AHCTF1: variants seen among roughly 807,000 people sequenced by gnomAD.
AHCTF1 encodes AT-hook containing transcription factor 1.
In AHCTF1, 24 loss-of-function variants were observed where a neutral mutation model predicts 248.4. That is an observed-to-expected ratio of 0.10 (90% confidence interval 0.07 to 0.14). The LOEUF (loss-of-function observed/expected upper bound fraction) is 0.14. Ranked by LOEUF, AHCTF1 falls within the 10% of genes least tolerant of loss-of-function variation. AHCTF1 has a pLI of 1.00. For synonymous variants in AHCTF1, 786 were observed against 929.8 expected, an observed-to-expected ratio of 0.85 and a Z score of 2.81; for missense variants, 2,206 against 2,636.2, an observed-to-expected ratio of 0.84 and a Z score of 3.57.
chr1:246,896,900 T>C (rs1399184027), intron 12 of AHCTF1, among the ~76,000 whole-genome samples: 1 of 152,186 alleles, frequency 6.6e-6, no homozygotes, highest in Non-Finnish European at 1.5e-5. Context: ...TAAGAAGGCA[T>C]GACTCTAAAC....
chr1:246,898,134 T>C (rs1234301976), intron 12 of AHCTF1, 74 bp downstream of exon 12: 14 of 1,582,344 alleles, frequency 8.8e-6, no homozygotes, highest in Admixed American at 1.8e-5. Context: ...AATTATCTAA[T>C]ACATTTTTAC....
At chr1:246,918,228 T>C (rs2103228850) in intron 2 of AHCTF1, 22 bp downstream of exon 2, 2 of 1,590,304 alleles carry the variant, frequency 1.3e-6, no homozygotes, top group Non-Finnish European at 1.7e-6. Context: ...TATTAGTAAA[T>C]GTTCAGTGAC....
intron 2 of AHCTF1, among the ~76,000 whole-genome samples, chr1:246,917,471 CCTTTCTGCCACTT>C (rs1324033489): frequency 6.6e-6 from 1 of 152,170 alleles, no homozygotes; most frequent in Non-Finnish European, 1.5e-5. Context: ...GTTCCAAGAT[CCTTTCTGCCACTT>C]ACCTGTATAA....
chr1:246,882,113 T>C (rs1663486658), intron 21 of AHCTF1, among the ~76,000 whole-genome samples: 1 of 151,480 alleles, frequency 6.6e-6, no homozygotes, highest in African/African-American at 2.4e-5. Flanking sequence ...TTCTCCTGCC[T>C]CAGCCTCCTG....
chr1:246,888,339 T>G (rs1663974221), intron 18 of AHCTF1, 55 bp downstream of exon 18: 2 of 1,612,074 alleles, frequency 1.2e-6, no homozygotes, highest in Non-Finnish European at 1.7e-6. Flanking sequence ...TAAGCATGTC[T>G]CCTCCCTCCC....
intron 1 of AHCTF1, among the ~76,000 whole-genome samples, chr1:246,919,710 A>AC (rs973589019): frequency 1.1e-4 from 17 of 151,636 alleles, no homozygotes; most frequent in Non-Finnish European, 1.5e-5. Context: ...TCTCAAAAAA[A>AC]AAAAAAATCC....
rs1170260442 is a variant in AHCTF1 at position 246,902,675 on chromosome 1, C to A, written c.967G>T (p.Gly323Trp). The A allele has an allele frequency of 6.3e-7, 1 of 1,587,798 alleles. No individual in the cohort carries two copies. The highest frequency in any genetic ancestry group is 2.3e-5 in the East Asian group (1 of 44,304). The change falls in exon 8 of 36, where the codon GGG (glycine) becomes TGG (tryptophan). Residue 323 changes from glycine to tryptophan, a missense_variant and splice_region_variant. Coordinates refer to ENST00000648844, the MANE Select transcript of AHCTF1 (RefSeq NM_001323342.2). ...TATCTTTCTTCACAGTATTCTAACC[C>A]CTGTAACATAAAATACACGCAAATA... ...CLASGQILYE[G>W]LEYCEERYTL...
chr1:246,848,795 A>T (rs368425839), intron 33 of AHCTF1, among the ~76,000 whole-genome samples: 5 of 152,112 alleles, frequency 3.3e-5, no homozygotes, highest in African/African-American at 1.2e-4. Flanking sequence ...TGTTGCAGTG[A>T]GCCGAGATCA....
At position 246,850,402 on chromosome 1, in the gene AHCTF1, T is replaced by A. The variant is rs143835885; in HGVS notation, c.5604A>T (p.Thr1868=). The change falls in exon 33 of 36, where the codon ACA becomes ACT. Residue 1868 remains threonine, a synonymous_variant. Transcript: ENST00000648844. ...TTTTAATTCTTCTAGGAGTCCTTTT[T>A]GTAACAGATGAAACCTTAACTTCTT... ...TKKEVKVSSV[T]KRTPRRIKRS... is the part of the protein sequence containing the mutation. 5.3e-4 allele frequency: 855 copies of A among 1,606,470 alleles called. 2 individuals are homozygous for A. The highest frequency in any genetic ancestry group is 6.7e-4 in the Middle Eastern group (4 of 6,010).
chr1:246,908,282 AAC>A (rs1281824546), intron 4 of AHCTF1, among the ~76,000 whole-genome samples: 50 of 151,356 alleles, frequency 3.3e-4, no homozygotes, highest in Non-Finnish European at 7.4e-5. Flanking sequence ...AAATTAATGA[AAC>A]ACATTAAATA....
intron 33 of AHCTF1, among the ~76,000 whole-genome samples, chr1:246,845,365 TA>T (rs146736366): frequency 1.3e-5 from 2 of 151,294 alleles, no homozygotes; most frequent in East Asian, 1.9e-4. Flanking sequence ...ATATGATTCT[TA>T]AAAAAAAGAA....
At chr1:246,891,104 C>A (rs763406673) in intron 15 of AHCTF1, 44 bp from the exon 16 acceptor site, 1 of 1,250,808 alleles carries the variant, frequency 8.0e-7, no homozygotes, top group South Asian at 1.6e-5. Flanking sequence ...ACAAAAAAAT[C>A]AAGATGCTCC....
At chr1:246,903,661 CCT>C (rs1491104779) in intron 7 of AHCTF1, among the ~76,000 whole-genome samples, 5,073 of 120,604 alleles carry the variant, frequency 0.042, 476 homozygotes, top group African/African-American at 0.12. Context: ...GACCCCCCCC[CCT>C]CCGTCTCTGC....
At chr1:246,854,764 GAC>G (rs1660988692) in intron 31 of AHCTF1, among the ~76,000 whole-genome samples, 1 of 152,066 alleles carries the variant, frequency 6.6e-6, no homozygotes, top group Non-Finnish European at 1.5e-5. Context: ...AAAAAATAGA[GAC>G]ACAGCCCTTA....
At chr1:246,853,559 G>A (rs903478044) in intron 31 of AHCTF1, among the ~76,000 whole-genome samples, 2 of 152,162 alleles carry the variant, frequency 1.3e-5, no homozygotes, top group African/African-American at 2.4e-5. Context: ...ACTGCTTCAA[G>A]GAAGTTCAGG....
rs1291681000 is a variant in AHCTF1, at chr1:246,891,846, C to T, written c.1878G>A (p.Leu626=). ...AGACTATATTAAGATTGCTAAGAAGCAAATAGCATTGCTGGATAGACTGTA... is the reference window on the plus strand; with the variant it reads ...AGACTATATTAAGATTGCTAAGAAGTAAATAGCATTGCTGGATAGACTGTA... ...QTIQSIQQCY[L]LLSNLNIVLS... is the part of the protein sequence containing the mutation. Residue 626 remains leucine (L), a synonymous_variant, in exon 15 of 36, where the codon TTG becomes TTA. Coordinates refer to ENST00000648844, the MANE Select transcript of AHCTF1 (RefSeq NM_001323342.2). 2 of 1,605,812 alleles carry T rather than the reference C, an allele frequency of 1.2e-6. No homozygotes were observed. The highest frequency in any genetic ancestry group is 3.5e-5 in the Admixed American group (2 of 57,814).
At chr1:246,854,763 A>G (rs1461920149) in intron 31 of AHCTF1, among the ~76,000 whole-genome samples, 1 of 152,208 alleles carries the variant, frequency 6.6e-6, no homozygotes, top group Non-Finnish European at 1.5e-5. Context: ...AAAAAAATAG[A>G]GACACAGCCC....
At chr1:246,864,312 A>C in intron 26 of AHCTF1, 196 bp from the exon 27 acceptor site, 1 of 555,096 alleles carries the variant, frequency 1.8e-6, no homozygotes, top group Non-Finnish European at 3.1e-6. Flanking sequence ...AGAATTAAGA[A>C]CTGCACATAG....
Position 246,850,608 on chromosome 1 carries a change from G to C in AHCTF1, c.5398C>G (p.Gln1800Glu). The C allele has an allele frequency of 6.2e-7, 1 of 1,613,412 alleles. No individual in the cohort carries two copies. Among genetic ancestry groups the C allele is most frequent in the Non-Finnish European group, 8.5e-7 (1 of 1,179,738 alleles). Reference sequence around the variant, plus strand: ...GTAACAGAATTTTGAGGTATTTGCTGGTTCTGAGATAGTCCTCTGACATCA... The same window carrying C: ...GTAACAGAATTTTGAGGTATTTGCTCGTTCTGAGATAGTCCTCTGACATCA... ...YSDVRGLSQNQQIPQNSVTPR... is the reference protein window; with the variant it reads ...YSDVRGLSQNEQIPQNSVTPR... The change falls in exon 33 of 36, where the codon CAG becomes GAG. Residue 1800 changes from glutamine (Q) to glutamate (E), a missense_variant. By Grantham distance (29) the Gln-to-Glu change is conservative. Transcript: ENST00000648844.
Sources: gnomAD v4.1 joint callset for allele counts (sites outside exome capture counted in the v4.1 genomes callset) on GRCh38, gnomAD v4.1.1 for gene constraint, MANE v1.5 for transcripts, NCBI Gene and HGNC (gene_info 2026-07-23, HGNC 2026-07-21) for gene names.